SPATA17: variants seen among roughly 807,000 people sequenced by gnomAD.
The protein encoded by SPATA17 is spermatogenesis-associated protein 17.
In SPATA17, 53 loss-of-function variants were observed where a neutral mutation model predicts 62.2. The ratio of observed to expected loss-of-function variants is 0.85; its 90% CI spans 0.68 to 1.07. The LOEUF is 1.07. Ranked by LOEUF, SPATA17 falls within the 50% of genes least tolerant of loss-of-function variation. The pLI is 0.00. For missense variants in SPATA17, 466 were observed against 425.5 expected (o/e 1.10, Z -0.84); for synonymous variants, 146 against 146.8 (o/e 0.99, Z 0.04).
At chr1:217,782,360 T>A in intron 8 of SPATA17, 38 bp downstream of exon 8, 2 of 1,543,028 alleles carry the variant, frequency 1.3e-6, no homozygotes, top group Non-Finnish European at 1.7e-6. Context: ...TGTGACATAT[T>A]TGGTGCCTTA....
intron 5 of SPATA17, among the ~76,000 whole-genome samples, chr1:217,713,398 G>A (rs1402522089): frequency 6.6e-6 from 1 of 151,776 alleles, no homozygotes; most frequent in African/African-American, 2.4e-5. Context: ...ATAAGCAGAT[G>A]TTGTTGACTG....
At chr1:217,821,613 C>T (rs1674863989) in intron 9 of SPATA17, among the ~76,000 whole-genome samples, 1 of 151,288 alleles carries the variant, frequency 6.6e-6, no homozygotes, top group African/African-American at 2.4e-5. Context: ...GATAAAAATT[C>T]GAATAAGTTT....
At chr1:217,670,499 G>T (rs1279920006) in intron 4 of SPATA17, among the ~76,000 whole-genome samples, 2 of 152,156 alleles carry the variant, frequency 1.3e-5, no homozygotes, top group African/African-American at 4.8e-5. Context: ...GTCAGTACAA[G>T]TCCCTTGGAA....
At chr1:217,640,050 T>C (rs1000056813) in intron 1 of SPATA17, among the ~76,000 whole-genome samples, 1 of 149,500 alleles carries the variant, frequency 6.7e-6, no homozygotes, top group African/African-American at 2.4e-5. Flanking sequence ...AGATTATATT[T>C]ATTTATAATA....
intron 5 of SPATA17, among the ~76,000 whole-genome samples, chr1:217,701,578 G>A (rs1310981517): frequency 6.6e-6 from 1 of 151,082 alleles, no homozygotes; most frequent in Admixed American, 6.6e-5. Context: ...GTAGAGACGG[G>A]GTTTCGCCAT....
intron 6 of SPATA17, among the ~76,000 whole-genome samples, chr1:217,756,708 G>C (rs950349196): frequency 1.3e-5 from 2 of 152,164 alleles, no homozygotes; most frequent in Non-Finnish European, 2.9e-5. Context: ...CCTCTCACAG[G>C]AAGTGAAGCA....
intron 9 of SPATA17, among the ~76,000 whole-genome samples, chr1:217,804,591 C>A (rs577801419): frequency 6.6e-6 from 1 of 151,906 alleles, no homozygotes; most frequent in Non-Finnish European, 1.5e-5. Context: ...TGATCAACAG[C>A]GTAAAGAGAC....
At chr1:217,807,417 A>C (rs975272898) in intron 9 of SPATA17, among the ~76,000 whole-genome samples, 1 of 152,184 alleles carries the variant, frequency 6.6e-6, no homozygotes, top group Non-Finnish European at 1.5e-5. Flanking sequence ...ATGAAAAAAA[A>C]ATCACATATA....
At chr1:217,802,913 T>A (rs1558057249) in intron 9 of SPATA17, among the ~76,000 whole-genome samples, 1 of 152,110 alleles carries the variant, frequency 6.6e-6, no homozygotes, top group Non-Finnish European at 1.5e-5. Context: ...GGGTGCCCAC[T>A]CTTTTTTTTC....
At position 217,747,333 on chromosome 1, in the gene SPATA17, G is replaced by T. The variant is rs866969452; in HGVS notation, c.519+5235G>T. Among the ~76,000 whole-genome samples the T allele has an allele frequency of 3.9e-5, 6 of 152,060 alleles. No homozygotes were observed. The Middle Eastern group carries it at 0.01, about 259-fold the overall frequency. Reference sequence around the variant, plus strand: ...AACTGACTTTCATTCCCTTGCCCTTGTTCTTGGGTAATAAATTATGTTGTC... The same window carrying T: ...AACTGACTTTCATTCCCTTGCCCTTTTTCTTGGGTAATAAATTATGTTGTC... On this transcript the variant is annotated intron_variant, in intron 6 of 10. Transcript: ENST00000366933.
intron 5 of SPATA17, among the ~76,000 whole-genome samples, chr1:217,699,121 G>T (rs1671532543): frequency 6.6e-6 from 1 of 152,104 alleles, no homozygotes; most frequent in African/African-American, 2.4e-5. Context: ...AGGATGTTTG[G>T]GTTGTTTCTA....
intron 3 of SPATA17, among the ~76,000 whole-genome samples, chr1:217,655,003 C>T (rs1398039097): frequency 6.6e-6 from 1 of 152,164 alleles, no homozygotes; most frequent in Non-Finnish European, 1.5e-5. Flanking sequence ...AGCCACCGCA[C>T]CCAGCCCTAC....
chr1:217,818,153 A>T (rs1373620720), intron 9 of SPATA17, among the ~76,000 whole-genome samples: 3 of 152,036 alleles, frequency 2.0e-5, no homozygotes, highest in East Asian at 1.9e-4. Flanking sequence ...TTACAGTACT[A>T]TTTCAGTCTC....
At chr1:217,808,867 A>AAGT (rs1674511715) in intron 9 of SPATA17, among the ~76,000 whole-genome samples, 1 of 151,940 alleles carries the variant, frequency 6.6e-6, no homozygotes, top group Non-Finnish European at 1.5e-5. Context: ...AAAAAAAAAA[A>AAGT]AGTAAAATGC....
intron 9 of SPATA17, among the ~76,000 whole-genome samples, chr1:217,838,527 T>C (rs1675313214): frequency 6.6e-6 from 1 of 152,096 alleles, no homozygotes; most frequent in Admixed American, 6.6e-5. Context: ...ATGAAAATAA[T>C]TAACTAATAG....
chr1:217,850,498 CA>C, intron 9 of SPATA17: 2 of 1,528,574 alleles, frequency 1.3e-6, no homozygotes, highest in Non-Finnish European at 1.8e-6. Context: ...TGCATGCCTG[CA>C]AAGATGAGCC....
chr1:217,824,653 A>G (rs1426061236), intron 9 of SPATA17, among the ~76,000 whole-genome samples: 1 of 150,908 alleles, frequency 6.6e-6, no homozygotes, highest in African/African-American at 2.4e-5. Flanking sequence ...TCATATATTC[A>G]TGTACTTTAT....
chr1:217,759,586 A>G (rs1673124515), intron 6 of SPATA17, among the ~76,000 whole-genome samples: 1 of 152,194 alleles, frequency 6.6e-6, no homozygotes, highest in Non-Finnish European at 1.5e-5. Context: ...GTATGGCAGC[A>G]AGGGAAGTGG....
At chr1:217,851,450 T>A (rs1024909691) in intron 9 of SPATA17, among the ~76,000 whole-genome samples, 1 of 152,116 alleles carries the variant, frequency 6.6e-6, no homozygotes, top group Admixed American at 6.6e-5. Context: ...CATAATTCCT[T>A]TTAGAAACAG....
Sources: gnomAD v4.1 joint callset for allele counts (sites outside exome capture counted in the v4.1 genomes callset) on GRCh38, gnomAD v4.1.1 for gene constraint, MANE v1.5 for transcripts, NCBI Gene and HGNC (gene_info 2026-07-23, HGNC 2026-07-21) for gene names.